ANLN: variants seen among roughly 807,000 people sequenced by gnomAD.
ANLN encodes anillin, actin binding protein.
In ANLN, 59 loss-of-function variants were observed where a neutral mutation model predicts 135.1. The ratio of observed to expected loss-of-function variants is 0.44; its 90% CI spans 0.35 to 0.54. The LOEUF (loss-of-function observed/expected upper bound fraction) is 0.54. ANLN is among the 20% of genes least tolerant of loss of function. The pLI, the probability that ANLN is intolerant of heterozygous loss-of-function variation, is 0.00. For synonymous variants in ANLN, 406 were observed against 456.4 expected (o/e 0.89, Z 1.41); for missense variants, 1,182 against 1,340.0 (o/e 0.88, Z 1.84).
chr7:36,419,189 C>G (rs930739443), intron 9 of ANLN, 55 bp from the exon 10 acceptor site: 50 of 1,293,520 alleles, frequency 3.9e-5, no homozygotes, highest in Middle Eastern at 2.1e-4. Context: ...CTTTGTTATG[C>G]CTTTAATTCT....
chr7:36,439,063 G>T (rs1354211089), intron 20 of ANLN, 141 bp from the exon 21 acceptor site: 1 of 667,000 alleles, frequency 1.5e-6, no homozygotes, highest in East Asian at 2.7e-5. Flanking sequence ...TGGCTTTTTG[G>T]CCATGTCTTT....
intron 22 of ANLN, among the ~76,000 whole-genome samples, chr7:36,447,123 T>TA (rs1789035454): frequency 6.6e-6 from 1 of 152,158 alleles, no homozygotes; most frequent in Non-Finnish European, 1.5e-5. Context: ...ATTAAGCACT[T>TA]ACCATTTACT....
At chr7:36,429,565 T>C (rs1788230215) in intron 20 of ANLN, among the ~76,000 whole-genome samples, 1 of 152,242 alleles carries the variant, frequency 6.6e-6, no homozygotes. Context: ...AAACATTCTC[T>C]TGGTTAAAGA....
Position 36,424,447 on chromosome 7 carries a change from CCTTTA to C in ANLN, c.2604-94_2604-90del, listed in dbSNP as rs1359609877. 13 of 969,578 alleles carry C rather than the reference CCTTTA, an allele frequency of 1.3e-5. No homozygotes were observed. The African/African-American group carries it at 1.6e-4, about 12-fold the overall frequency. 60.1% of individuals were successfully genotyped at this position (969,578 alleles called of 1,614,324 possible). A position where few individuals can be genotyped will look rare whatever the true frequency, so the allele number is the denominator to read the frequency against. ...ATTGACTTTAAAGTCATAGTGGATT[CCTTTA>C]CTTAGAGTCTTGTAAGAGTATTTGT... On this transcript the variant is annotated intron_variant, in intron 15 of 23. Coordinates refer to ENST00000265748, the MANE Select transcript of ANLN (RefSeq NM_018685.5).
intron 20 of ANLN, among the ~76,000 whole-genome samples, chr7:36,438,976 A>T (rs1788657887): frequency 6.6e-6 from 1 of 152,156 alleles, no homozygotes; most frequent in African/African-American, 2.4e-5. Context: ...TTAACTTGAG[A>T]CTTAGGGCTT....
chr7:36,411,051 G>C lies in ANLN; in HGVS notation c.1288-8G>C. 1 of 1,574,484 alleles carries C rather than the reference G, an allele frequency of 6.4e-7. No homozygotes were observed. The highest frequency in any genetic ancestry group is 1.2e-5 in the South Asian group (1 of 83,566). The stretch of plus-strand genomic sequence containing the variant: ...TCTTGTGTAAAATACAGCTTTTGAT[G>C]GGTTTAGGAACGTCAAAAAGAACTA... On this transcript the variant is annotated splice_region_variant and splice_polypyrimidine_tract_variant and intron_variant, in intron 6 of 23. Transcript: ENST00000265748.
Position 36,411,130 on chromosome 7 carries a change from C to T in ANLN, c.1359C>T (p.Gly453=), listed in dbSNP as rs757342921. ...DKGNIWSAEK[G]GNSKSKQLET... Reference sequence around the variant, plus strand: ...GCAATATATGGAGTGCAGAAAAAGGCGGAAACTCAAAAAGCAAACAACTAG... The same window carrying T: ...GCAATATATGGAGTGCAGAAAAAGGTGGAAACTCAAAAAGCAAACAACTAG... Residue 453 remains glycine (G), a synonymous_variant, in exon 7 of 24, where the codon GGC becomes GGT. Transcript: ENST00000265748. 3.9e-5 allele frequency: 62 copies of T among 1,607,510 alleles called. No homozygotes were observed. In the Admixed American group the frequency reaches 6.6e-4, roughly 17 times the overall value.
chr7:36,437,003 A>G (rs971242778), intron 20 of ANLN, among the ~76,000 whole-genome samples: 1 of 152,178 alleles, frequency 6.6e-6, no homozygotes, highest in Non-Finnish European at 1.5e-5. Context: ...TAAATAATAC[A>G]TGGTATTTAT....
chr7:36,442,928 C>G (rs922477739), intron 21 of ANLN, among the ~76,000 whole-genome samples: 3 of 145,100 alleles, frequency 2.1e-5, no homozygotes, highest in African/African-American at 7.5e-5. Context: ...CTGCGCCTGG[C>G]CTTTTTGTTT....
At chr7:36,434,851 A>T (rs914354307) in intron 20 of ANLN, among the ~76,000 whole-genome samples, 1 of 152,032 alleles carries the variant, frequency 6.6e-6, no homozygotes, top group Non-Finnish European at 1.5e-5. Flanking sequence ...ACAGAATGAG[A>T]CTCTGTCTCA....
intron 7 of ANLN, among the ~76,000 whole-genome samples, chr7:36,414,518 A>C (rs969365542): frequency 4.6e-5 from 7 of 152,170 alleles, no homozygotes; most frequent in African/African-American, 1.7e-4. Flanking sequence ...CTTTCTTCTG[A>C]AAGCTCCTGT....
At chr7:36,426,266 C>T (rs919330799) in intron 19 of ANLN, among the ~76,000 whole-genome samples, 9 of 152,138 alleles carry the variant, frequency 5.9e-5, no homozygotes, top group African/African-American at 1.9e-4. Flanking sequence ...TCATGTTATT[C>T]AGCTCTAGCA....
Position 36,407,849 on chromosome 7 carries a change from C to G in ANLN, c.989C>G (p.Ser330Trp), listed in dbSNP as rs775815569. Residue 330 changes from serine (S) to tryptophan (W), a missense_variant, in exon 5 of 24, where the codon TCG becomes TGG. By Grantham distance (177) the Ser-to-Trp change is radical. Coordinates refer to ENST00000265748, the MANE Select transcript of ANLN (RefSeq NM_018685.5). ...TPISPLKTGV[S>W]KPIVKSTLSQ... ...ATTAGTCCTCTGAAAACGGGGGTAT[C>G]GAAACCAATTGTGAAGTCAACTTTA... is the stretch of plus-strand genomic sequence containing the variant. 2.5e-6 allele frequency: 4 copies of G among 1,613,714 alleles called. No individual in the cohort carries two copies. Among genetic ancestry groups the G allele is most frequent in the Non-Finnish European group, 8.5e-7 (1 of 1,179,836 alleles).
chr7:36,435,990 A>T (rs1278660501), intron 20 of ANLN, among the ~76,000 whole-genome samples: 2 of 151,802 alleles, frequency 1.3e-5, no homozygotes, highest in Non-Finnish European at 2.9e-5. Context: ...CAAAGTAACA[A>T]TTTTAAGGTA....
chr7:36,392,921 G>A (rs564222826), intron 1 of ANLN, among the ~76,000 whole-genome samples: 5 of 152,210 alleles, frequency 3.3e-5, no homozygotes, highest in African/African-American at 9.6e-5. Context: ...GCATGTCCAC[G>A]AATGAATATA....
chr7:36,409,646 G>A (rs1787328352), intron 5 of ANLN, among the ~76,000 whole-genome samples: 1 of 151,974 alleles, frequency 6.6e-6, no homozygotes, highest in Non-Finnish European at 1.5e-5. Context: ...AATGAGTGCT[G>A]TGGGGTTTTT....
At chr7:36,427,775 T>TA (rs1428498950) in intron 20 of ANLN, among the ~76,000 whole-genome samples, 16 of 152,256 alleles carry the variant, frequency 1.1e-4, no homozygotes, top group Non-Finnish European at 2.2e-4. Flanking sequence ...TTCCTTCTCA[T>TA]ACTTCCCTTT....
intron 23 of ANLN, among the ~76,000 whole-genome samples, chr7:36,451,909 G>C (rs989629931): frequency 2.6e-5 from 4 of 152,304 alleles, no homozygotes; most frequent in Admixed American, 1.3e-4. Flanking sequence ...TTCCTAATAT[G>C]GACAGAGAGG....
At chr7:36,444,337 T>A (rs893398375) in intron 22 of ANLN, among the ~76,000 whole-genome samples, 31 of 152,078 alleles carry the variant, frequency 2.0e-4, no homozygotes, top group Admixed American at 5.2e-4. Context: ...TGTGTGTGTG[T>A]GATAATCCTT....
Sources: gnomAD v4.1 joint callset for allele counts (sites outside exome capture counted in the v4.1 genomes callset) on GRCh38, gnomAD v4.1.1 for gene constraint, MANE v1.5 for transcripts, NCBI Gene and HGNC (gene_info 2026-07-23, HGNC 2026-07-21) for gene names.